The following CALN1 variants were observed in gnomAD, a reference collection of about 807,000 sequenced individuals.
CALN1 encodes calneuron 1.
CALN1 carries 17 observed loss-of-function variants against 30.6 expected under a neutral mutation model. The ratio of observed to expected loss-of-function variants is 0.56; its 90% CI spans 0.38 to 0.83. The LOEUF (loss-of-function observed/expected upper bound fraction) is 0.83. Among genes scored for constraint, CALN1 ranks in the 40% least tolerant of loss-of-function variants. The probability of loss-of-function intolerance (pLI) is 0.00; values close to 1 mark genes in which losing one functional copy is unlikely to be tolerated. For synonymous variants in CALN1, 156 were observed against 131.4 expected, an observed-to-expected ratio of 1.19 and a Z score of -1.28; for missense variants, 291 against 354.9, an observed-to-expected ratio of 0.82 and a Z score of 1.45.
chr7:72,167,601 T>C (rs1278384306), intron 3 of CALN1, among the ~76,000 whole-genome samples: 1 of 152,216 alleles, frequency 6.6e-6, no homozygotes, highest in African/African-American at 2.4e-5. Flanking sequence ...CTCCTCAGCC[T>C]CCCAAAGTGC....
At chr7:72,112,553 G>A (rs187645942) in intron 3 of CALN1, among the ~76,000 whole-genome samples, 1 of 152,188 alleles carries the variant, frequency 6.6e-6, no homozygotes, top group African/African-American at 2.4e-5. Context: ...ACCGGAAAAT[G>A]TAAGATACAA....
chr7:72,050,372 GA>G (rs1013018781), intron 4 of CALN1, among the ~76,000 whole-genome samples: 1 of 151,818 alleles, frequency 6.6e-6, no homozygotes, highest in African/African-American at 2.4e-5. Flanking sequence ...AATGCTGTAG[GA>G]AAAAAAGGCT....
At chr7:71,958,477 G>A (rs550868726) in intron 5 of CALN1, among the ~76,000 whole-genome samples, 2 of 152,168 alleles carry the variant, frequency 1.3e-5, no homozygotes, top group African/African-American at 4.8e-5. Flanking sequence ...AGACCTTATT[G>A]GTCCTTCACA....
intron 5 of CALN1, among the ~76,000 whole-genome samples, chr7:71,951,859 A>G (rs761427196): frequency 6.6e-6 from 1 of 152,124 alleles, no homozygotes; most frequent in Non-Finnish European, 1.5e-5. Flanking sequence ...GAAATCATGC[A>G]AGCGACTTGC....
chr7:71,838,417 AG>A (rs758883362), intron 5 of CALN1, among the ~76,000 whole-genome samples: 3 of 152,188 alleles, frequency 2.0e-5, no homozygotes, highest in Non-Finnish European at 2.9e-5. Context: ...TTTTGACCAC[AG>A]AGATACTCTT....
intron 6 of CALN1, among the ~76,000 whole-genome samples, chr7:71,798,976 C>T (rs1787137862): frequency 6.6e-6 from 1 of 152,040 alleles, no homozygotes; most frequent in African/African-American, 2.4e-5. Flanking sequence ...TGATTTGACT[C>T]CGGGTATGAA....
At chr7:72,313,597 G>A (rs140967475) in intron 2 of CALN1, among the ~76,000 whole-genome samples, 2 of 152,184 alleles carry the variant, frequency 1.3e-5, no homozygotes, top group East Asian at 3.9e-4. Context: ...GTCTCACTGT[G>A]TTGCCCAGGC....
At chr7:72,360,627 A>C (rs1803516907) in intron 2 of CALN1, among the ~76,000 whole-genome samples, 1 of 149,092 alleles carries the variant, frequency 6.7e-6, no homozygotes, top group South Asian at 2.1e-4. Flanking sequence ...ATTATACTTT[A>C]AGTTCTAGGG....
At position 72,140,330 on chromosome 7, in the gene CALN1, AGAAG is replaced by A. The variant is rs879296354; in HGVS notation, c.245-34040_245-34037del. Among the ~76,000 whole-genome samples the A allele has an allele frequency of 1.6e-3, 157 of 96,856 alleles. 1 individual carries two copies. Among genetic ancestry groups the A allele is most frequent in the Middle Eastern group, 6.0e-3 (1 of 166 alleles). 63.5% of individuals were successfully genotyped at this position (96,856 alleles called of 152,430 possible). On this transcript the variant is annotated intron_variant, in intron 3 of 6. Coordinates refer to ENST00000395275, the MANE Select transcript of CALN1 (RefSeq NM_031468.4). ...AAGAAAGAGAGGAACAGAGAAAGGG[AGAAG>A]GAAGGAAGGGAGGGAGGGAGGGAGG...
In CALN1 at chr7:72,018,074, G is replaced by A. The variant is rs575757348; in HGVS notation, c.501+5583C>T. Among the ~76,000 whole-genome samples, 48 of 152,156 alleles carry A rather than the reference G, an allele frequency of 3.2e-4. No homozygotes were observed. The Middle Eastern group carries it at 0.014, about 43-fold the overall frequency. On this transcript the variant is annotated intron_variant, in intron 5 of 6. Transcript: ENST00000395275. ...AACTCATGGCAGAACACGGTTGCAC[G>A]GGGCTTGAGGTCAAGCAGAAGAAAA...
chr7:71,878,510 T>G (rs1224953197), intron 5 of CALN1, among the ~76,000 whole-genome samples: 1 of 152,030 alleles, frequency 6.6e-6, no homozygotes, highest in Non-Finnish European at 1.5e-5. Flanking sequence ...GAAGGACCAC[T>G]TAAGAGGGAA....
intron 3 of CALN1, among the ~76,000 whole-genome samples, chr7:72,221,834 A>T (rs924156039): frequency 2.0e-5 from 3 of 151,974 alleles, no homozygotes; most frequent in African/African-American, 4.8e-5. Context: ...GGTTGCAGTG[A>T]GCTGAGATCG....
At chr7:71,825,042 G>A (rs1369768418) in intron 5 of CALN1, among the ~76,000 whole-genome samples, 1 of 152,158 alleles carries the variant, frequency 6.6e-6, no homozygotes, top group Non-Finnish European at 1.5e-5. Context: ...TCCTTCCAGG[G>A]CCTTCTCCTT....
intron 4 of CALN1, among the ~76,000 whole-genome samples, chr7:72,048,396 C>T (rs10277807): frequency 0.16 from 24,183 of 151,842 alleles, 2,566 homozygotes; most frequent in East Asian, 0.31. Context: ...TTATAAGGGC[C>T]GCCATGTGTG....
At chr7:72,342,748 T>C (rs1315213986) in intron 2 of CALN1, among the ~76,000 whole-genome samples, 3 of 152,170 alleles carry the variant, frequency 2.0e-5, no homozygotes, top group Non-Finnish European at 4.4e-5. Flanking sequence ...CCCTTATCTT[T>C]TTTATTTTAC....
intron 5 of CALN1, among the ~76,000 whole-genome samples, chr7:71,921,493 G>A (rs539758197): frequency 8.5e-5 from 13 of 152,110 alleles, no homozygotes; most frequent in African/African-American, 3.1e-4. Flanking sequence ...AGGATTCCCT[G>A]AAATATTGCA....
At chr7:72,315,875 C>T (rs1049458411) in intron 2 of CALN1, among the ~76,000 whole-genome samples, 11 of 151,836 alleles carry the variant, frequency 7.2e-5, no homozygotes, top group African/African-American at 1.5e-4. Context: ...TCCGGCCGGG[C>T]GCGAATCATG....
At chr7:72,065,966 T>C (rs1350278281) in intron 4 of CALN1, among the ~76,000 whole-genome samples, 2 of 152,134 alleles carry the variant, frequency 1.3e-5, no homozygotes, top group Non-Finnish European at 2.9e-5. Flanking sequence ...TATGATGCAA[T>C]ACCTCTAACA....
chr7:72,466,872 A>AAG, the CALN1 span, among the ~76,000 whole-genome samples: 9 of 151,078 alleles, frequency 6.0e-5, no homozygotes, highest in African/African-American at 2.2e-4. Context: ...AAGAAAAAGA[A>AAG]AGAAGGAAAG....
Sources: allele counts gnomAD v4.1 joint callset (sites outside exome capture counted in the v4.1 genomes callset), GRCh38; gene constraint gnomAD v4.1.1; transcripts MANE v1.5; gene names NCBI Gene and HGNC (gene_info 2026-07-23, HGNC 2026-07-21).